DOCK4: variants seen among roughly 807,000 people sequenced by gnomAD.
DOCK4 encodes dedicator of cytokinesis protein 4.
Under a neutral mutation model 268.1 loss-of-function variants are expected in DOCK4, and 97 were observed. That is an observed-to-expected ratio of 0.36 (90% CI 0.31 to 0.43). DOCK4 has a LOEUF of 0.43. Among genes scored for constraint, DOCK4 ranks in the 20% least tolerant of loss-of-function variants. DOCK4 has a pLI of 1.00. For missense variants in DOCK4, 2,145 were observed against 2,455.7 expected (o/e 0.87, Z 2.67); for synonymous variants, 954 against 887.2 (o/e 1.08, Z -1.34).
In DOCK4 at chr7:111,834,709, A is replaced by G. The variant is rs200689010; in HGVS notation, c.2737-23T>C. 1.4e-4 allele frequency: 207 copies of G among 1,440,118 alleles called. 2 individuals carry two copies. The East Asian group carries it at 5.1e-3, about 35-fold the overall frequency. 89.2% of individuals were successfully genotyped at this position (1,440,118 alleles called of 1,614,324 possible). On this transcript the variant is annotated intron_variant, in intron 25 of 52. Coordinates refer to ENST00000428084, the MANE Select transcript of DOCK4 (RefSeq NM_001363540.2). ...CCCCTAAGTTAAAAAAAAAAAAAGC[A>G]TACATTTTATTTTTAGTAAGGACGT...
At chr7:112,089,864 C>A (rs1346345557) in intron 1 of DOCK4, among the ~76,000 whole-genome samples, 1 of 152,104 alleles carries the variant, frequency 6.6e-6, no homozygotes, top group Non-Finnish European at 1.5e-5. Flanking sequence ...AATTAAACTT[C>A]TTTTTTTAAA....
chr7:112,159,601 G>C (rs1157196543), intron 1 of DOCK4, among the ~76,000 whole-genome samples: 2 of 151,936 alleles, frequency 1.3e-5, no homozygotes, highest in African/African-American at 4.8e-5. Flanking sequence ...CCCTGACAAG[G>C]ATGTGTCACG....
intron 1 of DOCK4, among the ~76,000 whole-genome samples, chr7:112,076,377 G>T (rs1808068913): frequency 6.6e-6 from 1 of 151,902 alleles, no homozygotes; most frequent in African/African-American, 2.4e-5. Context: ...AACTGAATTT[G>T]GCAAAAAATG....
Position 112,193,757 on chromosome 7 carries a change from C to T in DOCK4, c.37+12345G>A, listed in dbSNP as rs375567510. Among the ~76,000 whole-genome samples, 20 of 152,126 alleles carry T rather than the reference C, an allele frequency of 1.3e-4. No individual in the cohort carries two copies. The East Asian group carries it at 1.5e-3, about 12-fold the overall frequency. On this transcript the variant is annotated intron_variant, in intron 1 of 52. Transcript: ENST00000428084. ...TACTTTTTTTATATCCCTCTTCCTA[C>T]AATCCCTAAAATGTCTTTAACCCTT... is the stretch of plus-strand genomic sequence containing the variant.
In DOCK4 at chr7:111,929,839, C is replaced by T. The variant is rs11970944; in HGVS notation, c.1066+5701G>A. Among the ~76,000 whole-genome samples, 10 of 152,242 alleles carry T rather than the reference C, an allele frequency of 6.6e-5. 1 individual carries two copies. Among genetic ancestry groups the T allele is most frequent in the African/African-American group, 2.4e-4 (10 of 41,532 alleles). ...AAATATGATTTCTTCTAGGTGTAAGCTACATGTGCAAACCATAGAAAATAT... is the reference window on the plus strand; with the variant it reads ...AAATATGATTTCTTCTAGGTGTAAGTTACATGTGCAAACCATAGAAAATAT... On this transcript the variant is annotated intron_variant, in intron 12 of 52. Coordinates refer to ENST00000428084, the MANE Select transcript of DOCK4 (RefSeq NM_001363540.2).
At chr7:111,959,671 C>G (rs1360996207) in intron 8 of DOCK4, among the ~76,000 whole-genome samples, 2 of 152,150 alleles carry the variant, frequency 1.3e-5, no homozygotes, top group Admixed American at 1.3e-4. Context: ...AAAAATTTTC[C>G]TAACAACTCA....
intron 1 of DOCK4, among the ~76,000 whole-genome samples, chr7:112,057,947 T>C (rs1305919184): frequency 6.6e-6 from 1 of 151,754 alleles, no homozygotes; most frequent in Non-Finnish European, 1.5e-5. Context: ...AAGTGCTTTA[T>C]TTTACGCTTA....
chr7:111,822,651 G>GTT (rs1802084476), intron 26 of DOCK4, among the ~76,000 whole-genome samples, 195 bp from the exon 27 acceptor site: 2 of 152,034 alleles, frequency 1.3e-5, no homozygotes, highest in Admixed American at 6.6e-5. Flanking sequence ...CCACCCAAAT[G>GTT]TTTTCTTTTC....
At chr7:112,179,020 T>C (rs536927760) in intron 1 of DOCK4, among the ~76,000 whole-genome samples, 1 of 152,222 alleles carries the variant, frequency 6.6e-6, no homozygotes, top group Admixed American at 6.5e-5. Context: ...AAACTGTGTT[T>C]GAGCTTAGCC....
chr7:111,742,208 T>G (rs778922646), intron 44 of DOCK4, 76 bp from the exon 45 acceptor site: 28 of 1,419,326 alleles, frequency 2.0e-5, no homozygotes, highest in Non-Finnish European at 2.1e-5. Flanking sequence ...GGCCGAGCAC[T>G]TTACTACGCA....
At chr7:111,765,253 T>C in intron 38 of DOCK4, 31 bp from the exon 39 acceptor site, 1 of 1,218,484 alleles carries the variant, frequency 8.2e-7, no homozygotes. Context: ...TCTAAGCATT[T>C]TATCTCATCT....
chr7:112,120,462 T>G (rs1193458599), intron 1 of DOCK4, among the ~76,000 whole-genome samples: 1 of 152,176 alleles, frequency 6.6e-6, no homozygotes, highest in Non-Finnish European at 1.5e-5. Flanking sequence ...GAAAAAATAC[T>G]TTTTTTGTGT....
chr7:111,850,316 A>C, intron 23 of DOCK4, among the ~76,000 whole-genome samples: 1 of 149,536 alleles, frequency 6.7e-6, no homozygotes, highest in Non-Finnish European at 1.5e-5. Flanking sequence ...CCCACCTCCC[A>C]CCCTTATCTT....
At chr7:111,791,927 G>T (rs1406993301) in intron 30 of DOCK4, among the ~76,000 whole-genome samples, 1 of 151,998 alleles carries the variant, frequency 6.6e-6, no homozygotes, top group East Asian at 1.9e-4. Flanking sequence ...TTAAATAGTG[G>T]TCCCCCCAAA....
At chr7:111,907,831 C>A (rs1190902565) in intron 13 of DOCK4, among the ~76,000 whole-genome samples, 1 of 152,152 alleles carries the variant, frequency 6.6e-6, no homozygotes, top group Non-Finnish European at 1.5e-5. Flanking sequence ...TGGGCTCAAG[C>A]AATTCTACTA....
chr7:111,904,217 T>C (rs532445991), intron 13 of DOCK4, among the ~76,000 whole-genome samples: 34 of 152,308 alleles, frequency 2.2e-4, no homozygotes, highest in African/African-American at 8.2e-4. Context: ...TACCTGTATT[T>C]ATTCAACGAA....
At chr7:111,908,990 A>C (rs1403683856) in intron 13 of DOCK4, among the ~76,000 whole-genome samples, 1 of 152,192 alleles carries the variant, frequency 6.6e-6, no homozygotes, top group African/African-American at 2.4e-5. Context: ...CGCAATAAAC[A>C]AATGTGTGCA....
At chr7:112,196,160 G>A (rs1220747095) in intron 1 of DOCK4, among the ~76,000 whole-genome samples, 1 of 152,142 alleles carries the variant, frequency 6.6e-6, no homozygotes, top group Non-Finnish European at 1.5e-5. Context: ...TCTACAACGC[G>A]AAGGACTGAG....
intron 27 of DOCK4, among the ~76,000 whole-genome samples, chr7:111,813,340 C>T (rs958655675): frequency 4.6e-5 from 7 of 151,518 alleles, no homozygotes; most frequent in Admixed American, 4.6e-4. Flanking sequence ...ATTATATTTA[C>T]TAGTTAGAAA....
Sources: gnomAD v4.1 joint callset for allele counts (sites outside exome capture counted in the v4.1 genomes callset) on GRCh38, gnomAD v4.1.1 for gene constraint, MANE v1.5 for transcripts, NCBI Gene and HGNC (gene_info 2026-07-23, HGNC 2026-07-21) for gene names.